CLMP: variants seen among roughly 807,000 people sequenced by gnomAD.
CLMP encodes the protein CXADR-like membrane protein.
In CLMP, 27 loss-of-function variants were observed where a neutral mutation model predicts 45.2. That is an observed-to-expected ratio of 0.60 (90% CI 0.44 to 0.82). The LOEUF is 0.82. CLMP is among the 40% of genes least tolerant of loss of function. CLMP has a pLI of 0.00. For synonymous variants in CLMP, 167 were observed against 171.4 expected, an observed-to-expected ratio of 0.97 and a Z score of 0.20; for missense variants, 403 against 448.4, an observed-to-expected ratio of 0.90 and a Z score of 0.91.
chr11:123,184,282 A>G (rs1416570385), intron 1 of CLMP, among the ~76,000 whole-genome samples: 3 of 152,006 alleles, frequency 2.0e-5, no homozygotes, highest in East Asian at 3.9e-4. Context: ...TTTAGTAGAG[A>G]TGGGGTTTCA....
At chr11:123,112,343 T>TC (rs1860651504) in intron 1 of CLMP, among the ~76,000 whole-genome samples, 1 of 150,632 alleles carries the variant, frequency 6.6e-6, no homozygotes, top group Non-Finnish European at 1.5e-5. Flanking sequence ...TTTTTCTTTT[T>TC]TTTTTTTTTT....
chr11:123,143,209 T>C (rs1043110334), intron 1 of CLMP, among the ~76,000 whole-genome samples: 1 of 152,174 alleles, frequency 6.6e-6, no homozygotes, highest in African/African-American at 2.4e-5. Flanking sequence ...CACTCTGTGT[T>C]AGAAGGGACA....
intron 1 of CLMP, among the ~76,000 whole-genome samples, chr11:123,098,296 C>T (rs190213673): frequency 1.4e-3 from 208 of 151,838 alleles, no homozygotes; most frequent in African/African-American, 4.4e-3. Flanking sequence ...GGCATGATCT[C>T]GGCTCACTGC....
chr11:123,147,729 G>A (rs987065955), intron 1 of CLMP, among the ~76,000 whole-genome samples: 16 of 152,300 alleles, frequency 1.1e-4, no homozygotes, highest in African/African-American at 3.6e-4. Flanking sequence ...TGCAGTGCTG[G>A]GTACAGAGTA....
At chr11:123,107,350 C>T (rs1165620199) in intron 1 of CLMP, among the ~76,000 whole-genome samples, 1 of 151,884 alleles carries the variant, frequency 6.6e-6, no homozygotes, top group Non-Finnish European at 1.5e-5. Context: ...CCTGCCTCAG[C>T]CTTGTGAATA....
chr11:123,105,742 T>C (rs576617640), intron 1 of CLMP, among the ~76,000 whole-genome samples: 1 of 152,132 alleles, frequency 6.6e-6, no homozygotes, highest in African/African-American at 2.4e-5. Flanking sequence ...ATTTACATTT[T>C]CTCATAGATT....
intron 1 of CLMP, among the ~76,000 whole-genome samples, chr11:123,103,236 C>T (rs1211333373): frequency 1.3e-5 from 2 of 152,202 alleles, no homozygotes; most frequent in African/African-American, 4.8e-5. Context: ...AGAAGGAGCT[C>T]TGGCTTAACC....
chr11:123,102,834 G>C lies in CLMP; in HGVS notation c.29-4882C>G, dbSNP rs188519186. ...AGCCTCCCAAAGTGCTGGAATTACAGGTGTGAGCTACCACGCCCAGCCTCC... is the reference window on the plus strand; with the variant it reads ...AGCCTCCCAAAGTGCTGGAATTACACGTGTGAGCTACCACGCCCAGCCTCC... On this transcript the variant is annotated intron_variant, in intron 1 of 6. Coordinates refer to ENST00000448775, the MANE Select transcript of CLMP (RefSeq NM_024769.5). Among the ~76,000 whole-genome samples the C allele has an allele frequency of 2.0e-4, 30 of 150,564 alleles. 1 individual carries two copies. Among genetic ancestry groups the C allele is most frequent in the Admixed American group, 1.6e-3 (24 of 14,948 alleles).
chr11:123,156,295 A>G (rs1243974655), intron 1 of CLMP, among the ~76,000 whole-genome samples: 1 of 152,198 alleles, frequency 6.6e-6, no homozygotes, highest in Non-Finnish European at 1.5e-5. Context: ...CAGAAAATAA[A>G]TGTCTGTTAT....
intron 1 of CLMP, among the ~76,000 whole-genome samples, chr11:123,140,733 C>A (rs777170615): frequency 6.6e-6 from 1 of 152,138 alleles, no homozygotes; most frequent in Non-Finnish European, 1.5e-5. Flanking sequence ...TGTATAACAG[C>A]GTCCAGTGTA....
At chr11:123,144,786 T>C (rs907127758) in intron 1 of CLMP, among the ~76,000 whole-genome samples, 14 of 152,370 alleles carry the variant, frequency 9.2e-5, no homozygotes, top group South Asian at 8.3e-4. Context: ...GGATATCTTC[T>C]ATCTTGCAGA....
In CLMP at chr11:123,071,120, T is replaced by G. The variant is rs2135457272; in HGVS notation, c.*2354A>C. 6.6e-6 allele frequency: 1 copy of G among 152,312 alleles called. No homozygotes were observed. The highest frequency in any genetic ancestry group is 1.5e-5 in the Non-Finnish European group (1 of 68,040). The allele number at this position is 152,312 out of a possible 1,614,324, so 9.4% of individuals were successfully genotyped here. ...ATTCAGCATCAATTTTTTTCTTTCC[T>G]CTAACCTGCTCTTCTTTTAAAAAGT... is the stretch of plus-strand genomic sequence containing the variant. On this transcript the variant is annotated 3_prime_UTR_variant, in exon 7 of 7. Transcript: ENST00000448775.
chr11:123,090,494 A>G (rs1591453490), intron 2 of CLMP, among the ~76,000 whole-genome samples: 1 of 152,134 alleles, frequency 6.6e-6, no homozygotes, highest in Non-Finnish European at 1.5e-5. Context: ...AATGATCTCC[A>G]AACGGAAGCC....
Position 123,190,760 on chromosome 11 carries a change from C to T in CLMP, c.28+4153G>A, listed in dbSNP as rs1327463181. ...TTTCTCATATAATAAAAACCAATGCCAATTATTCAGCATTTAGCTCACTTA... is the reference window on the plus strand; with the variant it reads ...TTTCTCATATAATAAAAACCAATGCTAATTATTCAGCATTTAGCTCACTTA... On this transcript the variant is annotated intron_variant, in intron 1 of 6. Transcript: ENST00000448775. 3.3e-5 allele frequency among the ~76,000 whole-genome samples: 5 copies of T among 152,182 alleles called. 1 individual carries two copies. The highest frequency in any genetic ancestry group is 1.3e-4 in the Admixed American group (2 of 15,276).
At chr11:123,150,432 A>AAAGC (rs1861298828) in intron 1 of CLMP, among the ~76,000 whole-genome samples, 2 of 48,234 alleles carry the variant, frequency 4.1e-5, no homozygotes, top group Non-Finnish European at 8.3e-5. Context: ...AGAAAGAAAG[A>AAAGC]AAGAAAGAAA....
At chr11:123,149,386 T>A (rs1274950617) in intron 1 of CLMP, among the ~76,000 whole-genome samples, 1 of 152,306 alleles carries the variant, frequency 6.6e-6, no homozygotes, top group East Asian at 1.9e-4. Context: ...CATTTTTATA[T>A]CTGAAAATCC....
At chr11:123,120,952 C>A (rs1299534533) in intron 1 of CLMP, among the ~76,000 whole-genome samples, 1 of 151,800 alleles carries the variant, frequency 6.6e-6, no homozygotes, top group Non-Finnish European at 1.5e-5. Flanking sequence ...TGGTGAAACC[C>A]CCTCTCTACT....
chr11:123,086,901 G>GA (rs1354247232), intron 2 of CLMP, among the ~76,000 whole-genome samples: 1 of 151,914 alleles, frequency 6.6e-6, no homozygotes, highest in Non-Finnish European at 1.5e-5. Context: ...TTTAAAAAAA[G>GA]AAAAAAATGT....
At chr11:123,100,037 T>C (rs563860666) in intron 1 of CLMP, among the ~76,000 whole-genome samples, 205 of 152,200 alleles carry the variant, frequency 1.3e-3, no homozygotes, top group African/African-American at 4.9e-3. Context: ...CGGAATATAG[T>C]AACTGACTGG....
Sources: gnomAD v4.1 joint callset for allele counts (sites outside exome capture counted in the v4.1 genomes callset) on GRCh38, gnomAD v4.1.1 for gene constraint, MANE v1.5 for transcripts, NCBI Gene and HGNC (gene_info 2026-07-23, HGNC 2026-07-21) for gene names.